The following ASH1L variants were observed in gnomAD, a reference collection of about 807,000 sequenced individuals.
ASH1L encodes the protein histone-lysine N-methyltransferase ASH1L.
ASH1L carries 23 observed loss-of-function variants against 269.0 expected under a neutral mutation model. That is an observed-to-expected ratio of 0.09 (90% CI 0.06 to 0.12). The LOEUF (loss-of-function observed/expected upper bound fraction) is 0.12, where lower values mean the gene tolerates loss of function less well. ASH1L is among the 10% of genes least tolerant of loss of function. ASH1L has a pLI of 1.00. For missense variants in ASH1L, 2,912 were observed against 3,567.8 expected (o/e 0.82, Z 4.68); for synonymous variants, 1,187 against 1,253.5 (o/e 0.95, Z 1.12).
chr1:155,412,482 T>C (rs1356234358), intron 6 of ASH1L, among the ~76,000 whole-genome samples: 3 of 152,078 alleles, frequency 2.0e-5, no homozygotes, highest in East Asian at 1.9e-4. Flanking sequence ...TAGCTGAACA[T>C]GTGGAGGTTC....
intron 2 of ASH1L, among the ~76,000 whole-genome samples, chr1:155,499,925 C>G (rs1047261932): frequency 4.6e-5 from 7 of 152,044 alleles, no homozygotes; most frequent in African/African-American, 1.7e-4. Flanking sequence ...AAACAAACCA[C>G]AATACAGACT....
chr1:155,539,348 T>C (rs1365994372), intron 1 of ASH1L, among the ~76,000 whole-genome samples: 1 of 152,106 alleles, frequency 6.6e-6, no homozygotes, highest in Non-Finnish European at 1.5e-5. Context: ...AACCAACAAT[T>C]CTCACCCAGA....
intron 2 of ASH1L, among the ~76,000 whole-genome samples, chr1:155,494,252 G>A (rs1303030661): frequency 6.6e-6 from 1 of 152,230 alleles, no homozygotes; most frequent in African/African-American, 2.4e-5. Context: ...CCCTGAGCCA[G>A]GAGCTTGTCT....
intron 10 of ASH1L, among the ~76,000 whole-genome samples, chr1:155,376,895 C>A (rs1656498468): frequency 6.6e-6 from 1 of 150,950 alleles, no homozygotes; most frequent in South Asian, 2.1e-4. Context: ...AAATCAAAGT[C>A]ATAACTCATA....
intron 1 of ASH1L, among the ~76,000 whole-genome samples, chr1:155,537,553 A>G (rs560644835): frequency 2.0e-5 from 3 of 152,334 alleles, no homozygotes; most frequent in Admixed American, 2.0e-4. Context: ...TTCTCACTCC[A>G]AATCTACTAC....
chr1:155,542,680 A>G (rs1231812911), intron 1 of ASH1L, among the ~76,000 whole-genome samples: 1 of 88,804 alleles, frequency 1.1e-5, no homozygotes, highest in Non-Finnish European at 2.4e-5. Context: ...TTAATTAATT[A>G]ATTTTTTTTT....
intron 2 of ASH1L, among the ~76,000 whole-genome samples, chr1:155,512,967 G>T (rs569886224): frequency 6.6e-6 from 1 of 151,854 alleles, no homozygotes; most frequent in African/African-American, 2.4e-5. Context: ...TGAGGCGGTA[G>T]GATTGCTTGA....
intron 1 of ASH1L, among the ~76,000 whole-genome samples, chr1:155,553,545 T>C (rs554324621): frequency 1.6e-4 from 24 of 152,186 alleles, no homozygotes; most frequent in Non-Finnish European, 3.5e-4. Context: ...CATACGTTCA[T>C]ACGTTTGCAG....
intron 2 of ASH1L, among the ~76,000 whole-genome samples, chr1:155,500,611 C>CA (rs1397726372): frequency 6.6e-6 from 1 of 151,976 alleles, no homozygotes; most frequent in Non-Finnish European, 1.5e-5. Flanking sequence ...CCATAGGGCA[C>CA]AAGTAAGATG....
At chr1:155,392,185 G>T (rs1260669181) in intron 7 of ASH1L, among the ~76,000 whole-genome samples, 1 of 152,092 alleles carries the variant, frequency 6.6e-6, no homozygotes, top group African/African-American at 2.4e-5. Flanking sequence ...TAAGTGGCTT[G>T]AGTTTATATG....
At position 155,481,525 on chromosome 1, in the gene ASH1L, T is replaced by C; in HGVS notation, c.1345A>G (p.Ser449Gly). 6.2e-7 allele frequency: 1 copy of C among 1,614,182 alleles called. No homozygotes were observed. The highest frequency in any genetic ancestry group is 1.1e-5 in the South Asian group (1 of 91,080). ...TTCAGGGATTCAGAAAGTTCCTGAC[T>C]TTCCTGATTATTGATGTTTGTACTA... ...SCSTNINNQE[S>G]QELSESLKDS... Residue 449 changes from serine (S) to glycine (G), a missense_variant, in exon 3 of 28, where the codon AGT becomes GGT. By Grantham distance (56) the Ser-to-Gly change is moderately conservative. Transcript: ENST00000392403.
intron 2 of ASH1L, among the ~76,000 whole-genome samples, chr1:155,506,166 A>G (rs1396694138): frequency 1.3e-5 from 2 of 152,152 alleles, no homozygotes; most frequent in Non-Finnish European, 2.9e-5. Context: ...AATGACATGA[A>G]CTCATTCTTT....
At chr1:155,413,889 AT>A (rs1660003218) in intron 6 of ASH1L, among the ~76,000 whole-genome samples, 1 of 152,198 alleles carries the variant, frequency 6.6e-6, no homozygotes, top group African/African-American at 2.4e-5. Flanking sequence ...AGTCTTGGTT[AT>A]TTGAGATGAT....
chr1:155,408,386 T>C (rs763146706), intron 6 of ASH1L, among the ~76,000 whole-genome samples: 3 of 152,204 alleles, frequency 2.0e-5, no homozygotes, highest in Admixed American at 1.3e-4. Flanking sequence ...CATGGCATCA[T>C]AGCAGTAACA....
At chr1:155,507,042 G>T (rs1036162043) in intron 2 of ASH1L, among the ~76,000 whole-genome samples, 1 of 152,258 alleles carries the variant, frequency 6.6e-6, no homozygotes, top group Admixed American at 6.5e-5. Flanking sequence ...CAGCACTTTG[G>T]GAGGCCAAGG....
At chr1:155,523,463 A>C (rs192865364) in intron 1 of ASH1L, among the ~76,000 whole-genome samples, 203 of 152,282 alleles carry the variant, frequency 1.3e-3, no homozygotes, top group Non-Finnish European at 1.8e-3. Flanking sequence ...CTGCACTCCA[A>C]CCTGGGCAAC....
At chr1:155,483,369 T>C (rs747796801) in intron 2 of ASH1L, among the ~76,000 whole-genome samples, 6 of 152,078 alleles carry the variant, frequency 3.9e-5, no homozygotes, top group Admixed American at 1.3e-4. Context: ...ATGGGGAAAA[T>C]AGATATGCAA....
At chr1:155,378,199 C>T (rs1015225792) in intron 10 of ASH1L, 82 bp downstream of exon 10, 1 of 1,027,888 alleles carries the variant, frequency 9.7e-7, no homozygotes, top group Non-Finnish European at 1.5e-6. Flanking sequence ...ATCAAAGAGC[C>T]TATTTAACTG....
At chr1:155,494,932 AAGAGAGAGAG>A (rs139398189) in intron 2 of ASH1L, among the ~76,000 whole-genome samples, 2 of 149,470 alleles carry the variant, frequency 1.3e-5, no homozygotes, top group African/African-American at 4.9e-5. Flanking sequence ...AATAAGGAAA[AAGAGAGAGAG>A]AGAGAGAGAG....
Sources: allele counts gnomAD v4.1 joint callset (sites outside exome capture counted in the v4.1 genomes callset), GRCh38; gene constraint gnomAD v4.1.1; transcripts MANE v1.5; gene names NCBI Gene and HGNC (gene_info 2026-07-23, HGNC 2026-07-21).